Variants in CDH22 observed in about 807,000 individuals in gnomAD.
CDH22 encodes the protein cadherin-22.
Under a neutral mutation model 58.4 loss-of-function variants are expected in CDH22, and 30 were observed. That is an observed-to-expected ratio of 0.51 (90% CI 0.38 to 0.70). The LOEUF (loss-of-function observed/expected upper bound fraction) is 0.70, where lower values mean the gene tolerates loss of function less well. Among genes scored for constraint, CDH22 ranks in the 30% least tolerant of loss-of-function variants. The pLI is 0.00. For synonymous variants in CDH22, 513 were observed against 558.2 expected (o/e 0.92, Z 1.14); for missense variants, 1,014 against 1,233.9 (o/e 0.82, Z 2.67).
chr20:46,302,345 G>A (rs1197851622), intron 1 of CDH22, among the ~76,000 whole-genome samples: 1 of 152,082 alleles, frequency 6.6e-6, no homozygotes, highest in Non-Finnish European at 1.5e-5. Flanking sequence ...CCCATCAGAT[G>A]ACAGCAGCAG....
At chr20:46,182,730 C>G (rs1362083945) in intron 10 of CDH22, among the ~76,000 whole-genome samples, 3 of 152,258 alleles carry the variant, frequency 2.0e-5, no homozygotes, top group South Asian at 4.1e-4. Context: ...TCCATCTGGC[C>G]TGACATACAT....
intron 2 of CDH22, among the ~76,000 whole-genome samples, chr20:46,245,699 G>A (rs6094267): frequency 0.29 from 43,758 of 152,028 alleles, 6,640 homozygotes; most frequent in African/African-American, 0.4. Context: ...GACTCCCCCA[G>A]TTGTCTTCTA....
chr20:46,258,130 C>T (rs1015188404), intron 1 of CDH22, among the ~76,000 whole-genome samples: 11 of 151,998 alleles, frequency 7.2e-5, no homozygotes, highest in East Asian at 3.9e-4. Flanking sequence ...GTTAGTGGGG[C>T]GGAGGTCATT....
intron 1 of CDH22, among the ~76,000 whole-genome samples, chr20:46,276,051 A>C (rs1211425388): frequency 1.3e-5 from 2 of 152,168 alleles, no homozygotes; most frequent in Non-Finnish European, 2.9e-5. Context: ...AATTTATTCC[A>C]GCTGAAATAT....
chr20:46,181,036 A>G (rs1413983842), intron 10 of CDH22, among the ~76,000 whole-genome samples: 1 of 151,534 alleles, frequency 6.6e-6, no homozygotes. Flanking sequence ...TCAGCCTCCC[A>G]AAGTGGTGGC....
intron 8 of CDH22, among the ~76,000 whole-genome samples, chr20:46,192,920 C>A (rs952163207): frequency 6.6e-6 from 1 of 152,064 alleles, no homozygotes; most frequent in African/African-American, 2.4e-5. Context: ...CCCATGCCCC[C>A]CCCCAGTGGG....
Position 46,174,538 on chromosome 20 carries a change from G to A in CDH22, c.2455C>T (p.His819Tyr). 1.3e-6 allele frequency: 2 copies of A among 1,521,214 alleles called. No homozygotes were observed. Among genetic ancestry groups the A allele is most frequent in the Non-Finnish European group, 8.8e-7 (1 of 1,140,670 alleles). 94.2% of individuals were successfully genotyped at this position (1,521,214 alleles called of 1,614,324 possible). Residue 819 changes from histidine (H) to tyrosine (Y), a missense_variant, in exon 12 of 12, where the codon CAC (histidine) becomes TAC (tyrosine). Transcript: ENST00000537909. The surrounding 1 kb of genome is among the most constrained non-coding windows in gnomAD (Gnocchi z 4.4). ...GCCTGGGCCTCGTCGTCCCCGCGGT[G>A]GCCGGCGTAGAGCGCGGCCAGGGGC... is the stretch of plus-strand genomic sequence containing the variant. ...FRPLAALYAG[H>Y]RGDDEAQAS
chr20:46,299,955 C>T (rs890679960), intron 1 of CDH22, among the ~76,000 whole-genome samples: 1 of 152,096 alleles, frequency 6.6e-6, no homozygotes, highest in African/African-American at 2.4e-5. Flanking sequence ...AGCCCCCTCC[C>T]ACTCTGCCAA....
intron 1 of CDH22, among the ~76,000 whole-genome samples, chr20:46,270,131 T>C (rs1317360476): frequency 6.6e-6 from 1 of 152,072 alleles, no homozygotes; most frequent in Non-Finnish European, 1.5e-5. Flanking sequence ...GAAGGGCTAT[T>C]CAGAGAGCCT....
At chr20:46,296,236 A>G (rs1823668078) in intron 1 of CDH22, among the ~76,000 whole-genome samples, 1 of 152,182 alleles carries the variant, frequency 6.6e-6, no homozygotes, top group African/African-American at 2.4e-5. Context: ...TCACAGCCCG[A>G]AGTCCTGATC....
intron 1 of CDH22, among the ~76,000 whole-genome samples, chr20:46,275,855 C>T (rs181617067): frequency 2.0e-5 from 3 of 150,160 alleles, no homozygotes; most frequent in African/African-American, 4.9e-5. Context: ...TAAGAAATCA[C>T]GAGTGAAAGA....
At chr20:46,260,047 C>T (rs996189085) in intron 1 of CDH22, among the ~76,000 whole-genome samples, 3 of 152,144 alleles carry the variant, frequency 2.0e-5, no homozygotes, top group African/African-American at 4.8e-5. Context: ...CCAATAGGAG[C>T]CAGACTCCTC....
intron 4 of CDH22, among the ~76,000 whole-genome samples, chr20:46,225,077 A>G (rs2086161002): frequency 6.6e-6 from 1 of 152,238 alleles, no homozygotes; most frequent in South Asian, 2.1e-4. Flanking sequence ...GTCATCAGTG[A>G]ACCTGCACTG....
chr20:46,180,068 A>G (rs1182351747), intron 10 of CDH22, among the ~76,000 whole-genome samples: 1 of 152,230 alleles, frequency 6.6e-6, no homozygotes, highest in Non-Finnish European at 1.5e-5. Context: ...CGCAGGTGCC[A>G]TGCACAGTTC....
intron 2 of CDH22, among the ~76,000 whole-genome samples, chr20:46,249,080 C>G (rs567503243): frequency 1.3e-5 from 2 of 152,310 alleles, no homozygotes; most frequent in East Asian, 1.9e-4. Flanking sequence ...CTTCAACAAC[C>G]TTAGGAAGCT....
At chr20:46,258,072 T>C (rs1052313602) in intron 1 of CDH22, among the ~76,000 whole-genome samples, 3 of 152,134 alleles carry the variant, frequency 2.0e-5, no homozygotes, top group Admixed American at 2.0e-4. Flanking sequence ...TGATAAATCA[T>C]GTGATCCTAC....
chr20:46,203,929 A>G (rs1357257882), intron 7 of CDH22, among the ~76,000 whole-genome samples: 1 of 152,094 alleles, frequency 6.6e-6, no homozygotes, highest in East Asian at 1.9e-4. Flanking sequence ...ATAGGGAGAG[A>G]ATATGAGTTT....
rs2085844194 is a variant in CDH22, at chr20:46,188,831, G to A, written c.1424-1884C>T. On this transcript the variant is annotated intron_variant, in intron 8 of 11. Coordinates refer to ENST00000537909, the MANE Select transcript of CDH22 (RefSeq NM_021248.3). ...TGTTCATTACTGACATGTTCCACCT[G>A]CCAGTGACCTCAGGAACATCTCCTG... 2.0e-5 allele frequency among the ~76,000 whole-genome samples: 3 copies of A among 152,146 alleles called. No homozygotes were observed. The South Asian group carries it at 6.2e-4, about 32-fold the overall frequency.
intron 1 of CDH22, among the ~76,000 whole-genome samples, chr20:46,266,647 G>A (rs2425817): frequency 0.4 from 60,731 of 152,092 alleles, 12,632 homozygotes; most frequent in Middle Eastern, 0.6. Context: ...TTTGTGGTAC[G>A]GGAGAAAGCT....
Sources: allele counts gnomAD v4.1 joint callset (sites outside exome capture counted in the v4.1 genomes callset), GRCh38; gene constraint gnomAD v4.1.1; non-coding constraint Gnocchi (gnomAD v3.1); transcripts MANE v1.5; gene names NCBI Gene and HGNC (gene_info 2026-07-23, HGNC 2026-07-21).